ANKRD12: variants seen among roughly 807,000 people sequenced by gnomAD.
ANKRD12 encodes ankyrin repeat domain-containing protein 12.
In ANKRD12, 85 loss-of-function variants were observed where a neutral mutation model predicts 183.4. The ratio of observed to expected loss-of-function variants is 0.46; its 90% CI spans 0.39 to 0.56. The LOEUF (loss-of-function observed/expected upper bound fraction) is 0.56, where lower values mean the gene tolerates loss of function less well. ANKRD12 is among the 20% of genes least tolerant of loss of function. ANKRD12 has a pLI of 0.00. For missense variants in ANKRD12, 2,405 were observed against 2,357.1 expected, an observed-to-expected ratio of 1.02 and a Z score of -0.42; for synonymous variants, 914 against 800.2, an observed-to-expected ratio of 1.14 and a Z score of -2.40.
Position 9,258,188 on chromosome 18 carries a change from G to A in ANKRD12, c.4921G>A (p.Val1641Ile), listed in dbSNP as rs779879268. The change falls in exon 9 of 13, where the codon GTT (valine) becomes ATT (isoleucine). Residue 1641 changes from valine to isoleucine, a missense_variant. Around this residue, in one of 7 missense-constraint regions of ANKRD12, gnomAD observed 1,983 missense variants for 1,725.9 expected, o/e 1.15. Transcript: ENST00000262126. ...HEKENKLESL[V>I]LTHLSRCDSD... The stretch of plus-strand genomic sequence containing the variant: ...AAAAGAAAACAAACTGGAGAGTTTG[G>A]TTTTAACTCATTTGAGTAGGTGTGA... 2.5e-6 allele frequency: 4 copies of A among 1,613,844 alleles called. No individual in the cohort carries two copies. Among genetic ancestry groups the A allele is most frequent in the Admixed American group, 3.3e-5 (2 of 59,932 alleles).
At chr18:9,247,605 T>C (rs113968769) in intron 8 of ANKRD12, among the ~76,000 whole-genome samples, 1 of 152,178 alleles carries the variant, frequency 6.6e-6, no homozygotes, top group African/African-American at 2.4e-5. Flanking sequence ...TCGTAAAATA[T>C]GTGTTTTAAA....
At chr18:9,222,397 C>T (rs2036469765) in intron 8 of ANKRD12, among the ~76,000 whole-genome samples, 1 of 151,692 alleles carries the variant, frequency 6.6e-6, no homozygotes, top group Non-Finnish European at 1.5e-5. Flanking sequence ...AACGAGTCAT[C>T]TCTGTGATTT....
intron 2 of ANKRD12, among the ~76,000 whole-genome samples, chr18:9,194,859 C>T (rs1598515013): frequency 6.6e-6 from 1 of 152,136 alleles, no homozygotes; most frequent in African/African-American, 2.4e-5. Context: ...TATAAATTGT[C>T]CTATTAAAAA....
At chr18:9,229,230 T>G (rs960923585) in intron 8 of ANKRD12, among the ~76,000 whole-genome samples, 1 of 152,040 alleles carries the variant, frequency 6.6e-6, no homozygotes, top group African/African-American at 2.4e-5. Context: ...TTGAAGTGAT[T>G]CCTCCAGCTT....
intron 11 of ANKRD12, among the ~76,000 whole-genome samples, chr18:9,276,843 G>A (rs1281027713): frequency 6.6e-6 from 1 of 152,158 alleles, no homozygotes; most frequent in Non-Finnish European, 1.5e-5. Flanking sequence ...TAAAGAAATA[G>A]GCACTGGAGA....
At chr18:9,271,431 A>C (rs1405173509) in intron 10 of ANKRD12, among the ~76,000 whole-genome samples, 1 of 152,098 alleles carries the variant, frequency 6.6e-6, no homozygotes, top group Non-Finnish European at 1.5e-5. Flanking sequence ...AGGCAGGAGA[A>C]CGGCGTGAAC....
intron 1 of ANKRD12, among the ~76,000 whole-genome samples, chr18:9,140,953 G>C (rs7505496): frequency 0.99 from 151,185 of 152,334 alleles, 75,025 homozygotes; most frequent in East Asian, 1. Flanking sequence ...AGGCTGTGAA[G>C]AGTTATGTGA....
chr18:9,188,561 C>T (rs1047252809), intron 2 of ANKRD12, among the ~76,000 whole-genome samples: 4 of 152,200 alleles, frequency 2.6e-5, no homozygotes, highest in Admixed American at 6.5e-5. Context: ...ACAGGCATAC[C>T]TCATTTTATT....
At chr18:9,272,114 A>G (rs2039633356) in intron 10 of ANKRD12, among the ~76,000 whole-genome samples, 1 of 152,232 alleles carries the variant, frequency 6.6e-6, no homozygotes, top group Non-Finnish European at 1.5e-5. Flanking sequence ...ACCTATCCTT[A>G]GAGGACACTG....
intron 4 of ANKRD12, 142 bp downstream of exon 4, chr18:9,204,686 A>G: frequency 1.6e-6 from 1 of 615,562 alleles, no homozygotes; most frequent in South Asian, 2.4e-5. Flanking sequence ...GTGACACCAC[A>G]TTTTCCCATT....
intron 1 of ANKRD12, among the ~76,000 whole-genome samples, chr18:9,163,084 GT>G (rs1225241559): frequency 6.6e-6 from 1 of 152,044 alleles, no homozygotes; most frequent in Non-Finnish European, 1.5e-5. Context: ...TGTTGCAATT[GT>G]TTTTGGCGTT....
chr18:9,157,604 T>TATA (rs1491418837), intron 1 of ANKRD12, among the ~76,000 whole-genome samples: 2 of 45,956 alleles, frequency 4.4e-5, no homozygotes, highest in Non-Finnish European at 1.3e-4. Flanking sequence ...TATATATGTA[T>TATA]TTTTTTTTTT....
intron 2 of ANKRD12, among the ~76,000 whole-genome samples, chr18:9,184,903 G>A (rs758330029): frequency 2.6e-5 from 4 of 152,018 alleles, no homozygotes; most frequent in South Asian, 2.1e-4. Flanking sequence ...TTGATCTCAC[G>A]GACTATAATT....
intron 10 of ANKRD12, 72 bp from the exon 11 acceptor site, chr18:9,275,452 G>C (rs555815664): frequency 7.1e-7 from 1 of 1,407,366 alleles, no homozygotes; most frequent in Non-Finnish European, 9.8e-7. Flanking sequence ...CAGCCTAGGC[G>C]AGAGAGTAAG....
chr18:9,211,240 T>C (rs916867192), intron 5 of ANKRD12, among the ~76,000 whole-genome samples: 1 of 152,190 alleles, frequency 6.6e-6, no homozygotes, highest in Non-Finnish European at 1.5e-5. Flanking sequence ...CCTCTAGGTC[T>C]TAGAATAATA....
At chr18:9,160,642 A>G (rs923746063) in intron 1 of ANKRD12, among the ~76,000 whole-genome samples, 3 of 152,246 alleles carry the variant, frequency 2.0e-5, no homozygotes, top group Non-Finnish European at 4.4e-5. Context: ...AGCTCTGAAA[A>G]TGAAGCTAGG....
intron 1 of ANKRD12, among the ~76,000 whole-genome samples, chr18:9,160,997 C>T (rs1258077629): frequency 6.6e-6 from 1 of 151,884 alleles, no homozygotes; most frequent in Non-Finnish European, 1.5e-5. Flanking sequence ...CTTGGTTTCC[C>T]CTAGTTTTTG....
In ANKRD12 at chr18:9,255,446, G is replaced by GA; in HGVS notation, c.2186dup (p.Asn729LysfsTer5). 1.9e-6 allele frequency: 3 copies of GA among 1,567,830 alleles called. No homozygotes were observed. Among genetic ancestry groups the GA allele is most frequent in the Non-Finnish European group, 2.6e-6 (3 of 1,165,616 alleles). On this transcript the variant is annotated frameshift_variant, in exon 9 of 13. Coordinates refer to ENST00000262126, the MANE Select transcript of ANKRD12 (RefSeq NM_015208.5). LOFTEE classifies it high-confidence loss of function. Reference sequence around the variant, plus strand: ...AACATTAGAAAAAAAATCAAAATTGGAAAAAAACATCAAAGATGATAAATC... The same window carrying GA: ...AACATTAGAAAAAAAATCAAAATTGGAAAAAAAACATCAAAGATGATAAATC...
intron 8 of ANKRD12, among the ~76,000 whole-genome samples, chr18:9,227,432 A>G (rs940994609): frequency 1.6e-4 from 24 of 152,224 alleles, no homozygotes; most frequent in African/African-American, 5.8e-4. Context: ...GATTTCATAG[A>G]AGAAGATGAT....
Sources: allele counts gnomAD v4.1 joint callset (sites outside exome capture counted in the v4.1 genomes callset), GRCh38; gene constraint gnomAD v4.1.1; regional missense constraint gnomAD v4.1.1; transcripts MANE v1.5; gene names NCBI Gene and HGNC (gene_info 2026-07-23, HGNC 2026-07-21).